PRR27: variants seen among roughly 807,000 people sequenced by gnomAD.
PRR27 encodes proline rich 27, also known as proline-rich protein 27.
A neutral mutation model predicts 16.8 loss-of-function variants in PRR27; 12 were observed. That is an observed-to-expected ratio of 0.71 (90% CI 0.46 to 1.16). The LOEUF (loss-of-function observed/expected upper bound fraction) is 1.16. PRR27 is among the 50% of genes most tolerant of loss of function. The pLI is 0.00. For missense variants in PRR27, 277 were observed against 273.3 expected (o/e 1.01, Z -0.10); for synonymous variants, 100 against 98.4 (o/e 1.02, Z -0.10).
chr4:70,164,216 A>G lies in PRR27; in HGVS notation c.*1555A>G, dbSNP rs1728714534. The stretch of plus-strand genomic sequence containing the variant: ...AAACAGGCATTTCTGTGTCTTATTC[A>G]GCACTTTATCAGGGCCTATAACAAT... On this transcript the variant is annotated 3_prime_UTR_variant, in exon 5 of 5. Transcript: ENST00000344526. 1 of 152,186 alleles carries G rather than the reference A, an allele frequency of 6.6e-6. No individual in the cohort carries two copies. Among genetic ancestry groups the G allele is most frequent in the South Asian group, 2.1e-4 (1 of 4,836 alleles). 9.4% of individuals were successfully genotyped at this position (152,186 alleles called of 1,614,324 possible).
intron 3 of PRR27, among the ~76,000 whole-genome samples, chr4:70,160,443 C>CTCTCTCTGTGTGTGTGTGTGTGTGTGTG (rs1298386504): frequency 8.2e-4 from 56 of 68,680 alleles, no homozygotes; most frequent in African/African-American, 2.6e-3. Context: ...CTCTCTCTCT[C>CTCTCTCTGTGTGTGTGTGTGTGTGTGTG]TGTGTGTGTG....
At position 70,154,398 on chromosome 4, in the gene PRR27, G is replaced by T; in HGVS notation, c.23G>T (p.Cys8Phe). ...AAAATGAAGCTTCTCCTTTGGGCCT[G>T]CATTGTATGTGTTGCTTTTGCAAGG... The part of the protein sequence containing the change: MKLLLWA[C>F]IVCVAFARKR... Residue 8 changes from cysteine (C) to phenylalanine (F), a missense_variant, in exon 1 of 5, where the codon TGC (cysteine) becomes TTC (phenylalanine). Physicochemically the swap from Cys to Phe is radical, Grantham distance 205. Coordinates refer to ENST00000344526, the MANE Select transcript of PRR27 (RefSeq NM_214711.4). The T allele has an allele frequency of 6.2e-7, 1 of 1,612,950 alleles. No homozygotes were observed. The highest frequency in any genetic ancestry group is 8.5e-7 in the Non-Finnish European group (1 of 1,179,086).
chr4:70,154,675 G>A, intron 1 of PRR27: 6 of 1,129,268 alleles, frequency 5.3e-6, no homozygotes, highest in Non-Finnish European at 7.5e-6. Context: ...GGAGGCTGGA[G>A]GAGGAAAAAT....
intron 3 of PRR27, among the ~76,000 whole-genome samples, chr4:70,161,281 T>C (rs1011819234): frequency 1.4e-5 from 2 of 143,266 alleles, no homozygotes; most frequent in African/African-American, 5.2e-5. Context: ...TGATAGAAAG[T>C]GAAGATAAAA....
At chr4:70,155,837 C>T (rs1270692565) in intron 1 of PRR27, among the ~76,000 whole-genome samples, 1 of 151,954 alleles carries the variant, frequency 6.6e-6, no homozygotes, top group Non-Finnish European at 1.5e-5. Flanking sequence ...AAAATCCATC[C>T]AGCCAAAGTA....
At position 70,165,039 on chromosome 4, in the gene PRR27, G is replaced by A. The variant is rs925145565; in HGVS notation, c.*2378G>A. On this transcript the variant is annotated 3_prime_UTR_variant, in exon 5 of 5. Coordinates refer to ENST00000344526, the MANE Select transcript of PRR27 (RefSeq NM_214711.4). ...AAGTCTATCACTACAATAATATTTT[G>A]TTTTTAGTGTTCATTTTTTTCCTCC... The A allele has an allele frequency of 3.3e-5, 5 of 152,030 alleles. No homozygotes were observed. Among genetic ancestry groups the A allele is most frequent in the Non-Finnish European group, 7.4e-5 (5 of 67,938 alleles). The allele number at this position is 152,030 out of a possible 1,614,324, so 9.4% of individuals were successfully genotyped here. A position where few individuals can be genotyped will look rare whatever the true frequency, so the allele number is the denominator to read the frequency against.
At position 70,164,265 on chromosome 4, in the gene PRR27, G is replaced by A. The variant is rs1406566284; in HGVS notation, c.*1604G>A. 1 of 152,044 alleles carries A rather than the reference G, an allele frequency of 6.6e-6. No individual in the cohort carries two copies. The highest frequency in any genetic ancestry group is 1.5e-5 in the Non-Finnish European group (1 of 68,004). 9.4% of individuals were successfully genotyped at this position (152,044 alleles called of 1,614,324 possible). A position where few individuals can be genotyped will look rare whatever the true frequency, so the allele number is the denominator to read the frequency against. On this transcript the variant is annotated 3_prime_UTR_variant, in exon 5 of 5. Transcript: ENST00000344526. ...ATGCCTGGGACATATTCAGTGACCAGTGAATATTTTTGGAAGGAAAGAAAA... is the reference window on the plus strand; with the variant it reads ...ATGCCTGGGACATATTCAGTGACCAATGAATATTTTTGGAAGGAAAGAAAA...
intron 1 of PRR27, 149 bp downstream of exon 1, chr4:70,154,575 T>C: frequency 4.6e-6 from 4 of 870,840 alleles, no homozygotes; most frequent in Non-Finnish European, 5.5e-6. Context: ...TGTCAGACTT[T>C]TCAACGGAAA....
rs1728430894 is a variant in PRR27 at position 70,154,429 on chromosome 4, A to AAGT, written c.51+5_51+7dup. The stretch of plus-strand genomic sequence containing the variant: ...TATGTGTTGCTTTTGCAAGGAAGGT[A>AAGT]AGTAAATGGACTTCCAAAATTGTAA... On this transcript the variant is annotated splice_donor_region_variant and intron_variant, in intron 1 of 4. Transcript: ENST00000344526. The AAGT allele has an allele frequency of 1.9e-6, 3 of 1,609,158 alleles. No homozygotes were observed. The highest frequency in any genetic ancestry group is 2.6e-6 in the Non-Finnish European group (3 of 1,175,742).
Position 70,165,892 on chromosome 4 carries a change from GCC to G in PRR27, c.*3233_*3234del, listed in dbSNP as rs1728756266. 6.6e-6 allele frequency: 1 copy of G among 152,046 alleles called. No individual in the cohort carries two copies. Among genetic ancestry groups the G allele is most frequent in the Non-Finnish European group, 1.5e-5 (1 of 67,962 alleles). 9.4% of individuals were successfully genotyped at this position (152,046 alleles called of 1,614,324 possible). ...ATACTTCTCCAGTGATTGCCAGATG[GCC>G]CACTATACATCCTTTCTTCTATTTC... is the stretch of plus-strand genomic sequence containing the variant. On this transcript the variant is annotated 3_prime_UTR_variant, in exon 5 of 5. Coordinates refer to ENST00000344526, the MANE Select transcript of PRR27 (RefSeq NM_214711.4).
At chr4:70,161,202 G>GTA (rs1728642046) in intron 3 of PRR27, among the ~76,000 whole-genome samples, 2 of 26,266 alleles carry the variant, frequency 7.6e-5, no homozygotes, top group African/African-American at 1.2e-4. Flanking sequence ...ATATATACAC[G>GTA]TATACATATA....
At chr4:70,158,298 T>A (rs74693432) in intron 2 of PRR27, 30 bp from the exon 3 acceptor site, 1 of 1,056,478 alleles carries the variant, frequency 9.5e-7, no homozygotes, top group Non-Finnish European at 1.4e-6. Context: ...ACAAATACAA[T>A]CAACTTCGAC....
At chr4:70,161,181 C>T (rs576917163) in intron 3 of PRR27, among the ~76,000 whole-genome samples, 37 of 31,382 alleles carry the variant, frequency 1.2e-3, no homozygotes, top group East Asian at 0.01. Flanking sequence ...TATATATATA[C>T]ACACATACAT....
chr4:70,161,457 T>C (rs1578222100), intron 3 of PRR27, 129 bp from the exon 4 acceptor site: 1 of 517,704 alleles, frequency 1.9e-6, no homozygotes, highest in Non-Finnish European at 3.5e-6. Flanking sequence ...ATTTTAAACA[T>C]GTTAAGAAGA....
intron 3 of PRR27, among the ~76,000 whole-genome samples, chr4:70,160,805 T>C (rs1728628556): frequency 1.3e-5 from 2 of 151,568 alleles, no homozygotes; most frequent in African/African-American, 4.8e-5. Context: ...ACCCAAGGAA[T>C]TAGGCTATTT....
At chr4:70,158,956 G>GT in intron 3 of PRR27, 56 bp downstream of exon 3, 26 of 1,402,578 alleles carry the variant, frequency 1.9e-5, no homozygotes, top group Non-Finnish European at 2.2e-5. Flanking sequence ...TTGTAGAAGG[G>GT]GAAAAAAAAA....
Position 70,158,641 on chromosome 4 carries a change from C to T in PRR27, c.389C>T (p.Ala130Val), listed in dbSNP as rs754181724. 7 of 1,614,082 alleles carry T rather than the reference C, an allele frequency of 4.3e-6. No individual in the cohort carries two copies. The East Asian group carries it at 1.6e-4, about 36-fold the overall frequency. Residue 130 changes from alanine (A) to valine (V), a missense_variant, in exon 3 of 5, where the codon GCA becomes GTA. Coordinates refer to ENST00000344526, the MANE Select transcript of PRR27 (RefSeq NM_214711.4). ...GCAGCACCCGCTGCCCCACCTATTG[C>T]AGCTGAGCCTGCTGCAGCTGCACCT... The part of the protein sequence containing the change: ...AAAAPAAPPI[A>V]AEPAAAAPLT...
intron 1 of PRR27, among the ~76,000 whole-genome samples, chr4:70,155,575 A>G (rs1275257771): frequency 6.6e-6 from 1 of 151,980 alleles, no homozygotes; most frequent in Non-Finnish European, 1.5e-5. Context: ...TCACCGTGTT[A>G]GCCAGGATGG....
At position 70,161,764 on chromosome 4, in the gene PRR27, T is replaced by C. The variant is rs1728654880; in HGVS notation, c.*33+134T>C. 4 of 443,626 alleles carry C rather than the reference T, an allele frequency of 9.0e-6. 1 individual carries two copies. Among genetic ancestry groups the C allele is most frequent in the Non-Finnish European group, 1.6e-5 (4 of 245,616 alleles). 27.5% of individuals were successfully genotyped at this position (443,626 alleles called of 1,614,324 possible). On this transcript the variant is annotated intron_variant, in intron 4 of 4. Coordinates refer to ENST00000344526, the MANE Select transcript of PRR27 (RefSeq NM_214711.4). ...AAAGTGGAGCTTAGAGAAGCACTGG[T>C]AGTTTGTGCCTCAGAACCTTTCAAA... is the stretch of plus-strand genomic sequence containing the variant.
Sources: allele counts gnomAD v4.1 joint callset (sites outside exome capture counted in the v4.1 genomes callset), GRCh38; gene constraint gnomAD v4.1.1; transcripts MANE v1.5; gene names NCBI Gene and HGNC (gene_info 2026-07-23, HGNC 2026-07-21).